The following PTPRD variants were observed in gnomAD, a reference collection of about 807,000 sequenced individuals.
PTPRD encodes the protein protein tyrosine phosphatase receptor type D, also known as receptor-type tyrosine-protein phosphatase delta.
Under a neutral mutation model 214.5 loss-of-function variants are expected in PTPRD, and 34 were observed. The ratio of observed to expected loss-of-function variants is 0.16; its 90% CI spans 0.12 to 0.21. The LOEUF (loss-of-function observed/expected upper bound fraction) is 0.21, where lower values mean the gene tolerates loss of function less well. PTPRD is among the 10% of genes least tolerant of loss of function. The probability of loss-of-function intolerance (pLI) is 1.00; values close to 1 mark genes in which losing one functional copy is unlikely to be tolerated. For synonymous variants in PTPRD, 1,128 were observed against 845.7 expected, an observed-to-expected ratio of 1.33 and a Z score of -5.79; for missense variants, 2,545 against 2,398.7, an observed-to-expected ratio of 1.06 and a Z score of -1.27.
At chr9:8,978,673 C>A (rs544837248) in intron 11 of PTPRD, among the ~76,000 whole-genome samples, 1 of 152,194 alleles carries the variant, frequency 6.6e-6, no homozygotes, top group Admixed American at 6.5e-5. Flanking sequence ...TTGGCTTGTG[C>A]CAGGCACAAG....
chr9:9,394,997 C>G (rs559350909), intron 9 of PTPRD, among the ~76,000 whole-genome samples: 99 of 151,996 alleles, frequency 6.5e-4, no homozygotes, highest in Non-Finnish European at 1.3e-3. Flanking sequence ...ATTAGAGAAG[C>G]TATTTTGGTA....
rs532978935 is a variant in PTPRD at position 9,910,709 on chromosome 9, C to T, written c.-368+27798G>A. 2.0e-5 allele frequency among the ~76,000 whole-genome samples: 3 copies of T among 152,012 alleles called. No individual in the cohort carries two copies. The East Asian group carries it at 5.8e-4, about 29-fold the overall frequency. ...GTATTTGTCATTTTCTTATTAATTA[C>T]CATGAGATCATTTGATACAAAACTT... is the stretch of plus-strand genomic sequence containing the variant. On this transcript the variant is annotated intron_variant, in intron 5 of 45. Transcript: ENST00000381196.
chr9:9,937,141 G>T (rs1201317014), intron 5 of PTPRD, among the ~76,000 whole-genome samples: 12 of 151,720 alleles, frequency 7.9e-5, no homozygotes, highest in Non-Finnish European at 1.5e-4. Context: ...TGAGTTAATG[G>T]GTGCAGCGCA....
intron 11 of PTPRD, among the ~76,000 whole-genome samples, chr9:8,889,018 A>G (rs1472918075): frequency 1.3e-5 from 2 of 152,226 alleles, no homozygotes; most frequent in East Asian, 3.8e-4. Context: ...GTTGCTCAAG[A>G]TATTAAATAA....
intron 31 of PTPRD, among the ~76,000 whole-genome samples, chr9:8,468,047 T>A (rs1394930188): frequency 6.6e-6 from 1 of 152,008 alleles, no homozygotes; most frequent in African/African-American, 2.4e-5. Context: ...TAGTCGCAAT[T>A]CATCCATATC....
chr9:9,125,797 A>T (rs112984326), intron 10 of PTPRD, among the ~76,000 whole-genome samples: 44 of 152,308 alleles, frequency 2.9e-4, no homozygotes, highest in African/African-American at 9.4e-4. Context: ...GGGGACATAC[A>T]ACACACAAAC....
In PTPRD at chr9:9,804,240, G is replaced by C. The variant is rs142730493; in HGVS notation, c.-367-37389C>G. Reference sequence around the variant, plus strand: ...GAAAGAAGCTTTGATTCTGAAGTAAGACAAGATAATTATATAATCATGCAA... The same window carrying C: ...GAAAGAAGCTTTGATTCTGAAGTAACACAAGATAATTATATAATCATGCAA... On this transcript the variant is annotated intron_variant, in intron 5 of 45. Transcript: ENST00000381196. Among the ~76,000 whole-genome samples the C allele has an allele frequency of 4.2e-3, 633 of 152,078 alleles. 2 individuals are homozygous for C. The highest frequency in any genetic ancestry group is 0.014 in the African/African-American group (585 of 41,504).
chr9:8,878,402 T>C (rs1053674995), intron 11 of PTPRD, among the ~76,000 whole-genome samples: 1 of 152,050 alleles, frequency 6.6e-6, no homozygotes, highest in Non-Finnish European at 1.5e-5. Flanking sequence ...TGGGGGATGG[T>C]GGGGAACAAA....
chr9:10,430,059 G>A (rs2098663027), intron 2 of PTPRD, among the ~76,000 whole-genome samples: 1 of 151,820 alleles, frequency 6.6e-6, no homozygotes, highest in South Asian at 2.1e-4. Flanking sequence ...AATAGCTTAT[G>A]TTCTATTAAG....
At chr9:8,869,270 G>A (rs1427900130) in intron 11 of PTPRD, among the ~76,000 whole-genome samples, 5 of 152,112 alleles carry the variant, frequency 3.3e-5, no homozygotes, top group Non-Finnish European at 7.4e-5. Context: ...AGTATTCTTG[G>A]TGAACTCTAA....
chr9:8,539,129 T>C (rs1375039920), intron 14 of PTPRD, among the ~76,000 whole-genome samples: 1 of 151,992 alleles, frequency 6.6e-6, no homozygotes, highest in Admixed American at 6.6e-5. Flanking sequence ...ATTAACAAGT[T>C]ATAACACACT....
intron 2 of PTPRD, among the ~76,000 whole-genome samples, chr9:10,357,104 G>C (rs912880209): frequency 2.6e-5 from 4 of 151,994 alleles, no homozygotes; most frequent in African/African-American, 9.7e-5. Context: ...AAACAAAGCA[G>C]AAAACACTCC....
At chr9:8,412,714 C>T (rs1386424219) in intron 35 of PTPRD, among the ~76,000 whole-genome samples, 1 of 152,110 alleles carries the variant, frequency 6.6e-6, no homozygotes, top group Non-Finnish European at 1.5e-5. Context: ...CTAACGGTGC[C>T]TTTTTTGATA....
At position 9,776,591 on chromosome 9, in the gene PTPRD, A is replaced by C. The variant is rs556707855; in HGVS notation, c.-367-9740T>G. On this transcript the variant is annotated intron_variant, in intron 5 of 45. Coordinates refer to ENST00000381196, the MANE Select transcript of PTPRD (RefSeq NM_002839.4). ...ATTTATTATTTGTTGCTCTTTTTGC[A>C]TGTGTTGAATCCAAAATACGATCTA... is the stretch of plus-strand genomic sequence containing the variant. Among the ~76,000 whole-genome samples the C allele has an allele frequency of 2.0e-5, 3 of 152,312 alleles. No homozygotes were observed. The East Asian group carries it at 5.8e-4, about 29-fold the overall frequency.
At chr9:9,396,566 AT>A (rs1206888598) in intron 9 of PTPRD, among the ~76,000 whole-genome samples, 1 of 151,872 alleles carries the variant, frequency 6.6e-6, no homozygotes, top group Non-Finnish European at 1.5e-5. Context: ...ACCTATGTAA[AT>A]TTTTTTACGC....
intron 9 of PTPRD, among the ~76,000 whole-genome samples, chr9:9,322,976 T>A (rs773916681): frequency 6.6e-6 from 1 of 152,180 alleles, no homozygotes; most frequent in Non-Finnish European, 1.5e-5. Context: ...AAAAATAATA[T>A]ATAAACCTTC....
intron 10 of PTPRD, among the ~76,000 whole-genome samples, chr9:9,102,564 G>A (rs568048090): frequency 1.4e-4 from 22 of 152,294 alleles, no homozygotes; most frequent in Non-Finnish European, 2.1e-4. Context: ...ATAACAACTC[G>A]CCCTCGCATT....
intron 10 of PTPRD, among the ~76,000 whole-genome samples, chr9:9,141,948 C>G (rs956467934): frequency 6.6e-6 from 1 of 152,118 alleles, no homozygotes; most frequent in Non-Finnish European, 1.5e-5. Flanking sequence ...TACCAGAGAG[C>G]AATAATAATG....
At chr9:10,587,928 T>A (rs2074348812) in intron 2 of PTPRD, among the ~76,000 whole-genome samples, 2 of 152,032 alleles carry the variant, frequency 1.3e-5, no homozygotes, top group African/African-American at 4.8e-5. Flanking sequence ...AGCAGATCTT[T>A]CTGACAATAA....
Sources: allele counts gnomAD v4.1 joint callset (sites outside exome capture counted in the v4.1 genomes callset), GRCh38; gene constraint gnomAD v4.1.1; transcripts MANE v1.5; gene names NCBI Gene and HGNC (gene_info 2026-07-23, HGNC 2026-07-21).